The following INPP5A variants were observed in gnomAD, a reference collection of about 807,000 sequenced individuals.
INPP5A encodes the protein 43 kDa inositol polyphosphate 5-phophatase.
A neutral mutation model predicts 65.2 loss-of-function variants in INPP5A; 14 were observed. That is an observed-to-expected ratio of 0.21 (90% CI 0.14 to 0.34). The LOEUF is 0.34. INPP5A is among the 10% of genes least tolerant of loss of function. The pLI, the probability that INPP5A is intolerant of heterozygous loss-of-function variation, is 1.00. For synonymous variants in INPP5A, 207 were observed against 208.3 expected (o/e 0.99, Z 0.05); for missense variants, 431 against 545.6 (o/e 0.79, Z 2.09).
intron 5 of INPP5A, among the ~76,000 whole-genome samples, chr10:132,694,884 ATAAG>A (rs1355737700): frequency 6.6e-6 from 1 of 152,248 alleles, no homozygotes; most frequent in Non-Finnish European, 1.5e-5. Flanking sequence ...ACAACACTGA[ATAAG>A]TAATTAATAA....
chr10:132,592,900 T>C (rs2071636705), intron 1 of INPP5A, among the ~76,000 whole-genome samples: 1 of 151,620 alleles, frequency 6.6e-6, no homozygotes, highest in Non-Finnish European at 1.5e-5. Flanking sequence ...TTTGCTCAGG[T>C]CTCACGCGGC....
At chr10:132,669,194 A>G (rs1263874333) in intron 4 of INPP5A, among the ~76,000 whole-genome samples, 1 of 152,162 alleles carries the variant, frequency 6.6e-6, no homozygotes, top group Non-Finnish European at 1.5e-5. Context: ...CGGAGCTTGC[A>G]GTGAGCAGAC....
chr10:132,709,669 C>T (rs1044462481), intron 7 of INPP5A, among the ~76,000 whole-genome samples: 57 of 152,312 alleles, frequency 3.7e-4, no homozygotes, highest in Admixed American at 3.3e-3. Flanking sequence ...GGTAGGGAGA[C>T]GGCCAGGTCT....
At chr10:132,730,517 G>C (rs1846065483) in intron 9 of INPP5A, among the ~76,000 whole-genome samples, 1 of 152,266 alleles carries the variant, frequency 6.6e-6, no homozygotes, top group South Asian at 2.1e-4. Context: ...TCTGTGGAGA[G>C]GTGTCCTGGG....
At chr10:132,614,231 C>T (rs1448887877) in intron 2 of INPP5A, among the ~76,000 whole-genome samples, 4 of 152,102 alleles carry the variant, frequency 2.6e-5, no homozygotes, top group East Asian at 1.9e-4. Context: ...TTTGGGAGGC[C>T]GAAGCGGGTG....
At position 132,675,647 on chromosome 10, in the gene INPP5A, G is replaced by A. The variant is rs924948464; in HGVS notation, c.307-14745G>A. 1.3e-5 allele frequency among the ~76,000 whole-genome samples: 2 copies of A among 152,224 alleles called. No homozygotes were observed. Among genetic ancestry groups the A allele is most frequent in the African/African-American group, 4.8e-5 (2 of 41,466 alleles). On this transcript the variant is annotated intron_variant, in intron 4 of 15. Coordinates refer to ENST00000368594, the MANE Select transcript of INPP5A (RefSeq NM_005539.5). This position sits in a 1 kb window ranked among gnomAD's most constrained non-coding sequence, Gnocchi z 4.2. ...TTCCCACGCGGAGAACTGGGACCCC[G>A]ATCAGGGTCTGGAGGGAGCGTGTGC...
At chr10:132,768,532 C>T (rs1846893775) in intron 12 of INPP5A, among the ~76,000 whole-genome samples, 1 of 152,240 alleles carries the variant, frequency 6.6e-6, no homozygotes, top group Non-Finnish European at 1.5e-5. Flanking sequence ...CCGAGTGCCT[C>T]TGCGTGCCAG....
rs577963459 is a variant in INPP5A at position 132,581,649 on chromosome 10, A to G, written c.76-26266A>G. Among the ~76,000 whole-genome samples, 14 of 152,268 alleles carry G rather than the reference A, an allele frequency of 9.2e-5. No homozygotes were observed. In the East Asian group the frequency reaches 2.7e-3, roughly 29 times the overall value. ...CTCTTTGAGGATTAAGGAGGTGAGC[A>G]TCTTTTCAGCTGCTTATTGACCATT... On this transcript the variant is annotated intron_variant, in intron 1 of 15. Transcript: ENST00000368594.
Position 132,609,621 on chromosome 10 carries a change from C to G in INPP5A, c.117+1665C>G, listed in dbSNP as rs543865066. 3.9e-5 allele frequency among the ~76,000 whole-genome samples: 6 copies of G among 152,274 alleles called. No individual in the cohort carries two copies. In the South Asian group the frequency reaches 1.2e-3, roughly 32 times the overall value. The stretch of plus-strand genomic sequence containing the variant: ...TTTTGGTGTTTTTCCTTTTTGAAAA[C>G]TGTCTGCTGCTTTTGTTGTTGTTGT... On this transcript the variant is annotated intron_variant, in intron 2 of 15. Coordinates refer to ENST00000368594, the MANE Select transcript of INPP5A (RefSeq NM_005539.5).
intron 4 of INPP5A, among the ~76,000 whole-genome samples, chr10:132,672,755 C>T (rs1207702938): frequency 1.3e-5 from 2 of 152,334 alleles, no homozygotes; most frequent in South Asian, 4.1e-4. Context: ...TTCCACTCCC[C>T]CTCTGCATTC....
At chr10:132,563,797 G>A (rs1164952510) in intron 1 of INPP5A, among the ~76,000 whole-genome samples, 2 of 152,174 alleles carry the variant, frequency 1.3e-5, no homozygotes, top group South Asian at 2.1e-4. Context: ...AGACAGCCCC[G>A]GGGGATTTAT....
chr10:132,670,527 T>G (rs2072875971), intron 4 of INPP5A, among the ~76,000 whole-genome samples: 1 of 134,050 alleles, frequency 7.5e-6, no homozygotes, highest in Admixed American at 8.4e-5. Flanking sequence ...AGCACAGCCC[T>G]GGCCCAGAAG....
At chr10:132,756,136 C>T (rs1214616669) in intron 11 of INPP5A, among the ~76,000 whole-genome samples, 7 of 152,104 alleles carry the variant, frequency 4.6e-5, no homozygotes, top group South Asian at 2.1e-4. Context: ...TTCCTCGGCC[C>T]GGTCAGGAAT....
chr10:132,772,355 C>T (rs1392162514), intron 12 of INPP5A, among the ~76,000 whole-genome samples: 1 of 94,110 alleles, frequency 1.1e-5, no homozygotes, highest in Non-Finnish European at 2.3e-5. Context: ...GCAGCCACCC[C>T]ATGAAGAGTG....
intron 3 of INPP5A, among the ~76,000 whole-genome samples, chr10:132,648,411 T>C (rs902327515): frequency 3.9e-5 from 6 of 152,274 alleles, no homozygotes; most frequent in African/African-American, 1.4e-4. Flanking sequence ...AATTTTCTTT[T>C]TAAAAGATTA....
rs1051083138 is a variant in INPP5A at position 132,663,420 on chromosome 10, C to T, written c.306+12915C>T. On this transcript the variant is annotated intron_variant, in intron 4 of 15. Coordinates refer to ENST00000368594, the MANE Select transcript of INPP5A (RefSeq NM_005539.5). This position sits in a 1 kb window ranked among gnomAD's most constrained non-coding sequence, Gnocchi z 4.5. ...ACTGTTTATAGAGACTGGGTGTCAC[C>T]GTGTTGCCCAGTCAGGTCTCCAACT... Among the ~76,000 whole-genome samples the T allele has an allele frequency of 6.6e-6, 1 of 152,112 alleles. No individual in the cohort carries two copies. The highest frequency in any genetic ancestry group is 1.5e-5 in the Non-Finnish European group (1 of 68,026).
In INPP5A at chr10:132,698,805, C is replaced by T. The variant is rs879777921; in HGVS notation, c.474+886C>T. Among the ~76,000 whole-genome samples, 5 of 152,254 alleles carry T rather than the reference C, an allele frequency of 3.3e-5. No individual in the cohort carries two copies. Among genetic ancestry groups the T allele is most frequent in the African/African-American group, 9.6e-5 (4 of 41,472 alleles). The stretch of plus-strand genomic sequence containing the variant: ...GGCAGCCCCAAGAAGGATTGCTCTG[C>T]GGTCCTGTCTCCACGAGAGCTGTGC... On this transcript the variant is annotated intron_variant, in intron 6 of 15. Coordinates refer to ENST00000368594, the MANE Select transcript of INPP5A (RefSeq NM_005539.5). This position sits in a 1 kb window ranked among gnomAD's most constrained non-coding sequence, Gnocchi z 5.5.
chr10:132,650,335 C>G lies in INPP5A; in HGVS notation c.219-83C>G. On this transcript the variant is annotated intron_variant, in intron 3 of 15. Coordinates refer to ENST00000368594, the MANE Select transcript of INPP5A (RefSeq NM_005539.5). This position sits in a 1 kb window ranked among gnomAD's most constrained non-coding sequence, Gnocchi z 5.5. ...ACGGTGATGTACCTATGTGCTGGAG[C>G]CCCTCTTATACCTTGTGGTCATCTC... 1.1e-6 allele frequency: 1 copy of G among 877,138 alleles called. No individual in the cohort carries two copies. The highest frequency in any genetic ancestry group is 1.4e-5 in the South Asian group (1 of 73,424). 54.3% of individuals were successfully genotyped at this position (877,138 alleles called of 1,614,324 possible).
chr10:132,644,544 AC>A lies in INPP5A; in HGVS notation c.118-1323del, dbSNP rs953826194. On this transcript the variant is annotated intron_variant, in intron 2 of 15. Coordinates refer to ENST00000368594, the MANE Select transcript of INPP5A (RefSeq NM_005539.5). The surrounding 1 kb of genome is among the most constrained non-coding windows in gnomAD (Gnocchi z 6.5). ...GGCTCCTGGGAGGTGGGCCATGCCC[AC>A]AGCTCCACCTGGCTCACAGTGAGTG... Among the ~76,000 whole-genome samples, 2 of 152,202 alleles carry A rather than the reference AC, an allele frequency of 1.3e-5. No individual in the cohort carries two copies. Among genetic ancestry groups the A allele is most frequent in the African/African-American group, 4.8e-5 (2 of 41,448 alleles).
Sources: gnomAD v4.1 joint callset for allele counts (sites outside exome capture counted in the v4.1 genomes callset) on GRCh38, gnomAD v4.1.1 for gene constraint, Gnocchi (gnomAD v3.1) non-coding constraint, MANE v1.5 for transcripts, NCBI Gene and HGNC (gene_info 2026-07-23, HGNC 2026-07-21) for gene names.